Variants in PLEKHM1 observed in about 807,000 individuals in gnomAD.
PLEKHM1 encodes the protein pleckstrin homology domain-containing family M member 1.
PLEKHM1 carries 28 observed loss-of-function variants against 94.3 expected under a neutral mutation model. That is an observed-to-expected ratio of 0.30 (90% CI 0.22 to 0.41). The LOEUF is 0.41. PLEKHM1 is among the 10% of genes least tolerant of loss of function. PLEKHM1 has a pLI of 1.00. For missense variants in PLEKHM1, 907 were observed against 1,358.6 expected, an observed-to-expected ratio of 0.67 and a Z score of 5.22; for synonymous variants, 424 against 581.2, an observed-to-expected ratio of 0.73 and a Z score of 3.89.
chr17:45,480,551 A>T (rs1233387238), intron 2 of PLEKHM1, among the ~76,000 whole-genome samples: 1 of 152,220 alleles, frequency 6.6e-6, no homozygotes, highest in Admixed American at 6.5e-5. Flanking sequence ...CCCAAAAAGA[A>T]ATACTGTATA....
At chr17:45,486,405 A>G (rs2052130466) in intron 1 of PLEKHM1, among the ~76,000 whole-genome samples, 1 of 150,362 alleles carries the variant, frequency 6.7e-6, no homozygotes. Context: ...ACACGGTGAA[A>G]CCCCATCTCT....
rs1567753320 is a variant in PLEKHM1, at chr17:45,436,134, C to T, written c.*1724G>A. ...CTTCTGGGGAACGGGCCCCCCAGGG[C>T]CTCAAACCTGCTGCCTCCGAGGGCA... On this transcript the variant is annotated 3_prime_UTR_variant, in exon 12 of 12. Coordinates refer to ENST00000430334, the MANE Select transcript of PLEKHM1 (RefSeq NM_014798.3). 4.4e-6 allele frequency: 2 copies of T among 456,196 alleles called. No homozygotes were observed. The highest frequency in any genetic ancestry group is 3.4e-4 in the Middle Eastern group (1 of 2,916). 28.3% of individuals were successfully genotyped at this position (456,196 alleles called of 1,614,324 possible). A position where few individuals can be genotyped will look rare whatever the true frequency, so the allele number is the denominator to read the frequency against.
Position 45,437,562 on chromosome 17 carries a change from G to A in PLEKHM1, c.*296C>T, listed in dbSNP as rs867849280. 2.1e-5 allele frequency: 13 copies of A among 624,612 alleles called. 1 individual carries two copies. Among genetic ancestry groups the A allele is most frequent in the South Asian group, 1.2e-4 (8 of 65,958 alleles). The allele number at this position is 624,612 out of a possible 1,614,324, so 38.7% of individuals were successfully genotyped here. A position where few individuals can be genotyped will look rare whatever the true frequency, so the allele number is the denominator to read the frequency against. On this transcript the variant is annotated 3_prime_UTR_variant, in exon 12 of 12. Transcript: ENST00000430334. This position sits in a 1 kb window ranked among gnomAD's most constrained non-coding sequence, Gnocchi z 4.0. The stretch of plus-strand genomic sequence containing the variant: ...GTGTTTGGGCAGCCCTAACGGAGGC[G>A]CCGGGACGCTGGTGAGCCAGGGCCT...
chr17:45,437,015 G>A lies in PLEKHM1; in HGVS notation c.*843C>T, dbSNP rs2050279152. The A allele has an allele frequency of 2.2e-6, 1 of 454,284 alleles. No homozygotes were observed. Among genetic ancestry groups the A allele is most frequent in the Non-Finnish European group, 4.4e-6 (1 of 226,630 alleles). The allele number at this position is 454,284 out of a possible 1,614,324, so 28.1% of individuals were successfully genotyped here. On this transcript the variant is annotated 3_prime_UTR_variant, in exon 12 of 12. Coordinates refer to ENST00000430334, the MANE Select transcript of PLEKHM1 (RefSeq NM_014798.3). The surrounding 1 kb of genome is among the most constrained non-coding windows in gnomAD (Gnocchi z 4.0). ...GGGTGAGGAGCGCACGGGGATCGGG[G>A]GTGGGCAAGACGGCGACCCTCCATA... is the stretch of plus-strand genomic sequence containing the variant.
chr17:45,465,885 T>C (rs899446566), intron 5 of PLEKHM1, among the ~76,000 whole-genome samples: 24 of 151,874 alleles, frequency 1.6e-4, no homozygotes, highest in Non-Finnish European at 1.0e-4. Flanking sequence ...AGCTAGACCA[T>C]GGGCAGGAGT....
chr17:45,446,519 C>T lies in PLEKHM1; in HGVS notation c.2644-856G>A, dbSNP rs190568929. On this transcript the variant is annotated intron_variant, in intron 8 of 11. Transcript: ENST00000430334. Reference sequence around the variant, plus strand: ...GAAGCCCCCTCCCCTGCAGTGATCTCGCTGTATCATAAGGACGGAGGAGCT... The same window carrying T: ...GAAGCCCCCTCCCCTGCAGTGATCTTGCTGTATCATAAGGACGGAGGAGCT... 3.1e-4 allele frequency among the ~76,000 whole-genome samples: 47 copies of T among 152,328 alleles called. 1 individual carries two copies. In the East Asian group the frequency reaches 6.0e-3, roughly 19 times the overall value.
downstream of PLEKHM1, chr17:45,435,794 C>T (rs1369493130): frequency 3.0e-5 from 11 of 369,472 alleles, no homozygotes; most frequent in African/African-American, 6.4e-5. Flanking sequence ...AGCCTTCCCC[C>T]GTGCCAGGGA....
At chr17:45,469,851 A>G (rs1003589794) in intron 4 of PLEKHM1, among the ~76,000 whole-genome samples, 2 of 152,162 alleles carry the variant, frequency 1.3e-5, no homozygotes, top group African/African-American at 4.8e-5. Flanking sequence ...AGGTGGGTAG[A>G]ACCACAAGAT....
In PLEKHM1 at chr17:45,454,111, G is replaced by A. The variant is rs771584552; in HGVS notation, c.1741C>T (p.Arg581Cys). 10 of 1,614,092 alleles carry A rather than the reference G, an allele frequency of 6.2e-6. No individual in the cohort carries two copies. Among genetic ancestry groups the A allele is most frequent in the Admixed American group, 5.0e-5 (3 of 60,016 alleles). Residue 581 changes from arginine (R) to cysteine (C), a missense_variant, in exon 7 of 12, where the codon CGC (arginine) becomes TGC (cysteine). Arg to Cys is a radical substitution (Grantham distance 180). This residue lies in a region of PLEKHM1 where 477 missense variants were observed against 601.5 expected (regional missense o/e 0.79). Coordinates refer to ENST00000430334, the MANE Select transcript of PLEKHM1 (RefSeq NM_014798.3). ...HTCVENCSLL[R>C]CESVGPAHSD... ...TGGGCTGGCCCCACAGACTCACAGCGAAGCAGCGAGCAGTTCTCCACACAG... is the reference window on the plus strand; with the variant it reads ...TGGGCTGGCCCCACAGACTCACAGCAAAGCAGCGAGCAGTTCTCCACACAG...
chr17:45,435,727 C>T (rs1198070598), downstream of PLEKHM1, among the ~76,000 whole-genome samples: 1 of 152,214 alleles, frequency 6.6e-6, no homozygotes, highest in East Asian at 1.9e-4. Flanking sequence ...TCTCTTCTCC[C>T]TGCCCACTCC....
At chr17:45,454,422 C>A in intron 6 of PLEKHM1, 150 bp from the exon 7 acceptor site, 1 of 713,466 alleles carries the variant, frequency 1.4e-6, no homozygotes, top group Non-Finnish European at 2.5e-6. Context: ...TCACATGGGA[C>A]CCTGAAAGCT....
At chr17:45,485,775 T>C (rs1177025223) in intron 1 of PLEKHM1, among the ~76,000 whole-genome samples, 3 of 150,026 alleles carry the variant, frequency 2.0e-5, no homozygotes, top group African/African-American at 7.3e-5. Context: ...TGGTGGCCCA[T>C]GCCTGTAATA....
At chr17:45,438,619 C>T (rs112431961) in intron 11 of PLEKHM1, among the ~76,000 whole-genome samples, 1 of 151,972 alleles carries the variant, frequency 6.6e-6, no homozygotes, top group Admixed American at 6.5e-5. Flanking sequence ...TGCAGTGGCA[C>T]GATCTCGGCT....
chr17:45,440,121 GTC>G (rs762044642), intron 10 of PLEKHM1, 40 bp downstream of exon 10: 2 of 1,566,246 alleles, frequency 1.3e-6, no homozygotes, highest in Non-Finnish European at 1.8e-6. Flanking sequence ...TGGGAATGAA[GTC>G]TCTCTAGAGG....
intron 6 of PLEKHM1, chr17:45,454,980 T>C (rs2050902128): frequency 6.3e-6 from 1 of 158,684 alleles, no homozygotes; most frequent in Non-Finnish European, 1.4e-5. Flanking sequence ...AATACAAAAA[T>C]TAGCCAGGTG....
At chr17:45,483,056 G>T (rs1364570447) in intron 1 of PLEKHM1, among the ~76,000 whole-genome samples, 4 of 151,922 alleles carry the variant, frequency 2.6e-5, no homozygotes, top group Non-Finnish European at 5.9e-5. Context: ...CACTGGAACG[G>T]CTTCAAAAGG....
At chr17:45,479,844 C>T (rs1418781212) in intron 2 of PLEKHM1, among the ~76,000 whole-genome samples, 1 of 152,136 alleles carries the variant, frequency 6.6e-6, no homozygotes, top group East Asian at 1.9e-4. Flanking sequence ...AAATGATACA[C>T]CACAAAATGT....
intron 4 of PLEKHM1, among the ~76,000 whole-genome samples, chr17:45,471,121 T>C (rs1480136590): frequency 2.0e-5 from 3 of 152,096 alleles, no homozygotes; most frequent in African/African-American, 7.2e-5. Flanking sequence ...ACTAAATGTT[T>C]AAATGGGCAA....
At position 45,437,823 on chromosome 17, in the gene PLEKHM1, C is replaced by T. The variant is rs768697308; in HGVS notation, c.*35G>A. The T allele has an allele frequency of 9.3e-6, 14 of 1,500,042 alleles. No homozygotes were observed. The highest frequency in any genetic ancestry group is 1.2e-5 in the Non-Finnish European group (13 of 1,076,186). 92.9% of individuals were successfully genotyped at this position (1,500,042 alleles called of 1,614,324 possible). A position where few individuals can be genotyped will look rare whatever the true frequency, so the allele number is the denominator to read the frequency against. ...AGCCGGGATGGCTGAGCCACACTCA[C>T]CCCCGGCTTTCAGAGCGGGGTCAGC... On this transcript the variant is annotated 3_prime_UTR_variant, in exon 12 of 12. Coordinates refer to ENST00000430334, the MANE Select transcript of PLEKHM1 (RefSeq NM_014798.3). The surrounding 1 kb of genome is among the most constrained non-coding windows in gnomAD (Gnocchi z 4.0).
Sources: gnomAD v4.1 joint callset for allele counts (sites outside exome capture counted in the v4.1 genomes callset) on GRCh38, gnomAD v4.1.1 for gene constraint, gnomAD v4.1.1 regional missense constraint, Gnocchi (gnomAD v3.1) non-coding constraint, MANE v1.5 for transcripts, NCBI Gene and HGNC (gene_info 2026-07-23, HGNC 2026-07-21) for gene names.